The following DNM3 variants were observed in gnomAD, a reference collection of about 807,000 sequenced individuals.
DNM3 encodes dynamin 3, also known as dynamin-3.
In DNM3, 47 loss-of-function variants were observed where a neutral mutation model predicts 101.6. The ratio of observed to expected loss-of-function variants is 0.46; its 90% CI spans 0.37 to 0.59. The LOEUF is 0.59. Ranked by LOEUF, DNM3 falls within the 20% of genes least tolerant of loss-of-function variation. DNM3 has a pLI of 0.00. For missense variants in DNM3, 849 were observed against 1,085.7 expected (o/e 0.78, Z 3.06); for synonymous variants, 385 against 387.9 (o/e 0.99, Z 0.09).
intron 15 of DNM3, among the ~76,000 whole-genome samples, chr1:172,277,198 AT>A (rs1458387028): frequency 6.6e-6 from 1 of 151,996 alleles, no homozygotes. Context: ...AACAAATGAG[AT>A]TTCTCATGAT....
chr1:172,090,576 CAAGG>C (rs2053840576), intron 12 of DNM3, among the ~76,000 whole-genome samples: 2 of 152,030 alleles, frequency 1.3e-5, no homozygotes, highest in Non-Finnish European at 2.9e-5. Flanking sequence ...AAATAAAAAA[CAAGG>C]AAGGAAGAAG....
rs911581170 is a variant in DNM3 at position 172,267,556 on chromosome 1, GA to G, written c.1769+13884del. ...AGAATTCTATGACATTGTCCTTTAA[GA>G]AAAAAAAAAGCATAGATGTTTTATT... On this transcript the variant is annotated intron_variant, in intron 15 of 20. Transcript: ENST00000627582. 1.8e-3 allele frequency among the ~76,000 whole-genome samples: 259 copies of G among 144,254 alleles called. 3 individuals are homozygous for G. Among genetic ancestry groups the G allele is most frequent in the South Asian group, 5.4e-3 (25 of 4,644 alleles). The allele number at this position is 144,254 out of a possible 152,430, so 94.6% of individuals were successfully genotyped here. A position where few individuals can be genotyped will look rare whatever the true frequency, so the allele number is the denominator to read the frequency against.
chr1:172,401,741 A>G (rs896915882), intron 20 of DNM3, among the ~76,000 whole-genome samples: 3 of 152,198 alleles, frequency 2.0e-5, no homozygotes, highest in African/African-American at 7.2e-5. Context: ...TGCTACAGCC[A>G]AAAATTCCAA....
chr1:172,354,088 G>GGTGTGT lies in DNM3; in HGVS notation c.1894-24910_1894-24905dup, dbSNP rs768549406. Among the ~76,000 whole-genome samples the GGTGTGT allele has an allele frequency of 7.3e-3, 894 of 123,102 alleles. 24 individuals carry two copies. The highest frequency in any genetic ancestry group is 0.028 in the African/African-American group (843 of 30,520). The allele number at this position is 123,102 out of a possible 152,430, so 80.8% of individuals were successfully genotyped here. A position where few individuals can be genotyped will look rare whatever the true frequency, so the allele number is the denominator to read the frequency against. On this transcript the variant is annotated intron_variant, in intron 17 of 20. Coordinates refer to ENST00000627582, the MANE Select transcript of DNM3 (RefSeq NM_015569.5). ...GGTATTTAGGACATAAAGGTGTTGG[G>GGTGTGT]GTGTGTGTGTGTGTGTGTGTGTGTG...
intron 13 of DNM3, among the ~76,000 whole-genome samples, chr1:172,093,928 T>C (rs921739123): frequency 6.6e-6 from 1 of 152,214 alleles, no homozygotes; most frequent in Non-Finnish European, 1.5e-5. Flanking sequence ...CTTGCTGTGA[T>C]TGAAAGGTAT....
At chr1:172,239,591 C>T (rs2061667156) in intron 14 of DNM3, among the ~76,000 whole-genome samples, 1 of 152,056 alleles carries the variant, frequency 6.6e-6, no homozygotes, top group African/African-American at 2.4e-5. Flanking sequence ...TGCTGCACTA[C>T]CCCTCATGGG....
chr1:172,307,561 A>G (rs757436867), intron 15 of DNM3, among the ~76,000 whole-genome samples: 16 of 152,208 alleles, frequency 1.1e-4, no homozygotes, highest in Non-Finnish European at 2.1e-4. Flanking sequence ...GCTACTATAA[A>G]GACACACGCA....
intron 10 of DNM3, 43 bp downstream of exon 10, chr1:172,048,793 T>C (rs1214305294): frequency 6.3e-7 from 1 of 1,597,416 alleles, no homozygotes; most frequent in Non-Finnish European, 8.5e-7. Context: ...GGCTTTGGTT[T>C]ATCAACATTC....
intron 14 of DNM3, among the ~76,000 whole-genome samples, chr1:172,233,346 G>C (rs971072058): frequency 6.6e-6 from 1 of 152,134 alleles, no homozygotes; most frequent in African/African-American, 2.4e-5. Context: ...CCAGGAAGAA[G>C]TTGAATCTCT....
At position 172,068,965 on chromosome 1, in the gene DNM3, G is replaced by A. The variant is rs191870951; in HGVS notation, c.1422+60G>A. The A allele has an allele frequency of 9.6e-6, 14 of 1,452,502 alleles. No homozygotes were observed. The Admixed American group carries it at 1.4e-4, about 14-fold the overall frequency. 90.0% of individuals were successfully genotyped at this position (1,452,502 alleles called of 1,614,324 possible). On this transcript the variant is annotated intron_variant, in intron 11 of 20. Coordinates refer to ENST00000627582, the MANE Select transcript of DNM3 (RefSeq NM_015569.5). ...TGTGGGAGGTCGAAGGTCTCTGCAA[G>A]GTTGTCTGGTAGTTCCCAACAGTCA...
Position 171,871,646 on chromosome 1 carries a change from G to T in DNM3, c.161+29829G>T, listed in dbSNP as rs1040212288. On this transcript the variant is annotated intron_variant, in intron 1 of 20. Transcript: ENST00000627582. ...ACTATTGCTTTATTTCTATATTAGTGACCATATAAGTTACATACCCTAATT... is the reference window on the plus strand; with the variant it reads ...ACTATTGCTTTATTTCTATATTAGTTACCATATAAGTTACATACCCTAATT... Among the ~76,000 whole-genome samples, 6 of 152,134 alleles carry T rather than the reference G, an allele frequency of 3.9e-5. No individual in the cohort carries two copies. In the East Asian group the frequency reaches 1.2e-3, roughly 29 times the overall value.
intron 17 of DNM3, among the ~76,000 whole-genome samples, chr1:172,359,125 A>AAAACACAC (rs1553244161): frequency 6.9e-6 from 1 of 145,704 alleles, no homozygotes; most frequent in Non-Finnish European, 1.5e-5. Context: ...ACTCCCACAA[A>AAAACACAC]ACACACACAC....
intron 4 of DNM3, among the ~76,000 whole-genome samples, chr1:172,011,791 A>T (rs1338237303): frequency 6.6e-6 from 1 of 152,012 alleles, no homozygotes; most frequent in Non-Finnish European, 1.5e-5. Flanking sequence ...AAATTTTTAG[A>T]TGTTCTCTAA....
chr1:172,099,830 A>G (rs2054510349), intron 13 of DNM3, among the ~76,000 whole-genome samples: 1 of 152,186 alleles, frequency 6.6e-6, no homozygotes, highest in Non-Finnish European at 1.5e-5. Flanking sequence ...AGTGATAACT[A>G]AAAATATTTG....
chr1:172,007,427 G>T (rs772843218), intron 4 of DNM3, among the ~76,000 whole-genome samples: 10 of 152,094 alleles, frequency 6.6e-5, no homozygotes, highest in African/African-American at 2.2e-4. Context: ...TAGGCCGTTT[G>T]TATATCTGCT....
intron 10 of DNM3, among the ~76,000 whole-genome samples, chr1:172,056,501 C>G (rs576096848): frequency 6.6e-6 from 1 of 152,100 alleles, no homozygotes; most frequent in South Asian, 2.1e-4. Context: ...GATCTGAGAA[C>G]GGGCAGACTG....
intron 2 of DNM3, among the ~76,000 whole-genome samples, chr1:171,954,788 G>A (rs1229526329): frequency 6.6e-6 from 1 of 152,158 alleles, no homozygotes; most frequent in Non-Finnish European, 1.5e-5. Flanking sequence ...TCACAGTGTG[G>A]CATTTCAAGT....
chr1:172,362,768 C>T (rs1176076416), intron 17 of DNM3, among the ~76,000 whole-genome samples: 3 of 151,390 alleles, frequency 2.0e-5, no homozygotes, highest in Admixed American at 2.0e-4. Flanking sequence ...GCTTCTGGCC[C>T]CCCTTTAATC....
At position 172,409,111 on chromosome 1, in the gene DNM3, G is replaced by A. The variant is rs1174271658; in HGVS notation, c.*1270G>A. 1.0e-6 allele frequency: 1 copy of A among 985,182 alleles called. No homozygotes were observed. The highest frequency in any genetic ancestry group is 1.2e-6 in the Non-Finnish European group (1 of 829,884). The allele number at this position is 985,182 out of a possible 1,614,324, so 61.0% of individuals were successfully genotyped here. Reference sequence around the variant, plus strand: ...TAGTTAAGTCTTGAGGCTAAGTTTTGGACTACCAAGGACCAGATGATTCAC... The same window carrying A: ...TAGTTAAGTCTTGAGGCTAAGTTTTAGACTACCAAGGACCAGATGATTCAC... On this transcript the variant is annotated 3_prime_UTR_variant, in exon 21 of 21. Transcript: ENST00000627582.
Sources: allele counts gnomAD v4.1 joint callset (sites outside exome capture counted in the v4.1 genomes callset), GRCh38; gene constraint gnomAD v4.1.1; transcripts MANE v1.5; gene names NCBI Gene and HGNC (gene_info 2026-07-23, HGNC 2026-07-21).